The following RBFOX1 variants were observed in gnomAD, a reference collection of about 807,000 sequenced individuals.
RBFOX1 encodes the protein RNA binding fox-1 homolog 1, also known as RNA binding protein fox-1 homolog 1.
Under a neutral mutation model 57.7 loss-of-function variants are expected in RBFOX1, and 8 were observed. That is an observed-to-expected ratio of 0.14 (90% CI 0.08 to 0.25). The LOEUF (loss-of-function observed/expected upper bound fraction) is 0.25. RBFOX1 is among the 10% of genes least tolerant of loss of function. RBFOX1 has a pLI of 1.00. For synonymous variants in RBFOX1, 326 were observed against 222.4 expected, an observed-to-expected ratio of 1.47 and a Z score of -4.15; for missense variants, 611 against 548.5, an observed-to-expected ratio of 1.11 and a Z score of -1.14.
intron 1 of RBFOX1, among the ~76,000 whole-genome samples, chr16:5,299,473 A>G (rs2063752823): frequency 6.6e-6 from 1 of 152,238 alleles, no homozygotes; most frequent in African/African-American, 2.4e-5. Flanking sequence ...GCTGAGACAT[A>G]GGGTAGATGT....
At chr16:5,796,370 G>C (rs2054877965) in intron 3 of RBFOX1, among the ~76,000 whole-genome samples, 1 of 152,194 alleles carries the variant, frequency 6.6e-6, no homozygotes, top group Non-Finnish European at 1.5e-5. Flanking sequence ...GCTCAATCCA[G>C]GATCTGGACC....
At chr16:6,542,551 C>CT (rs892877478) in intron 2 of RBFOX1, among the ~76,000 whole-genome samples, 1 of 121,898 alleles carries the variant, frequency 8.2e-6, no homozygotes, top group Non-Finnish European at 1.6e-5. Flanking sequence ...GTGCAGTGGC[C>CT]TTTTCTCGGC....
Position 7,010,933 on chromosome 16 carries a change from G to C in RBFOX1, c.-15-41124G>C, listed in dbSNP as rs112666438. Among the ~76,000 whole-genome samples the C allele has an allele frequency of 7.8e-3, 1,195 of 152,306 alleles. 17 individuals carry two copies. Among genetic ancestry groups the C allele is most frequent in the African/African-American group, 0.027 (1,136 of 41,568 alleles). On this transcript the variant is annotated intron_variant, in intron 3 of 15. Coordinates refer to ENST00000550418, the MANE Select transcript of RBFOX1 (RefSeq NM_018723.4). ...GCTGATAAAGTTCTCCCACCAAAGTGAGTCTTAGCAGGGCCTTGGGCAAGA... is the reference window on the plus strand; with the variant it reads ...GCTGATAAAGTTCTCCCACCAAAGTCAGTCTTAGCAGGGCCTTGGGCAAGA...
intron 4 of RBFOX1, among the ~76,000 whole-genome samples, chr16:7,167,086 A>C (rs1283576002): frequency 7.0e-6 from 1 of 142,808 alleles, no homozygotes; most frequent in Non-Finnish European, 1.5e-5. Flanking sequence ...CCTGGGTTCA[A>C]GCGATTCTCC....
intron 2 of RBFOX1, among the ~76,000 whole-genome samples, chr16:5,559,189 A>AAAAAC (rs2045796503): frequency 7.3e-6 from 1 of 136,678 alleles, no homozygotes; most frequent in Non-Finnish European, 1.6e-5. Context: ...AAAAAAAAAA[A>AAAAAC]AGTCAAGTGT....
chr16:7,688,698 G>GGTTT (rs1488317492), intron 14 of RBFOX1, among the ~76,000 whole-genome samples: 10 of 152,126 alleles, frequency 6.6e-5, no homozygotes, highest in African/African-American at 2.4e-4. Context: ...GGCAGATAGA[G>GGTTT]TATAGATGGT....
Position 7,527,982 on chromosome 16 carries a change from A to G in RBFOX1, c.270+9593A>G, listed in dbSNP as rs191544210. Reference sequence around the variant, plus strand: ...TTTTGTATTTAATGATTTATAGACAAATGGTTTTCAATCACTCATGTTTTA... The same window carrying G: ...TTTTGTATTTAATGATTTATAGACAGATGGTTTTCAATCACTCATGTTTTA... On this transcript the variant is annotated intron_variant, in intron 5 of 15. Transcript: ENST00000550418. Among the ~76,000 whole-genome samples, 152 of 152,310 alleles carry G rather than the reference A, an allele frequency of 1.0e-3. 2 individuals are homozygous for G. The highest frequency in any genetic ancestry group is 3.6e-3 in the African/African-American group (148 of 41,578).
intron 3 of RBFOX1, among the ~76,000 whole-genome samples, chr16:6,682,410 TA>T (rs3214354): frequency 1.3e-5 from 2 of 150,892 alleles, no homozygotes; most frequent in Admixed American, 6.6e-5. Flanking sequence ...TTGTGAAGAC[TA>T]AAAAAAAAGT....
At chr16:5,741,405 C>T (rs1353823391) in intron 3 of RBFOX1, among the ~76,000 whole-genome samples, 1 of 152,164 alleles carries the variant, frequency 6.6e-6, no homozygotes, top group Admixed American at 6.5e-5. Flanking sequence ...ACATAAAAAT[C>T]ATCTTAAATG....
At chr16:6,125,878 G>A (rs1404856008) in intron 1 of RBFOX1, among the ~76,000 whole-genome samples, 1 of 152,138 alleles carries the variant, frequency 6.6e-6, no homozygotes, top group African/African-American at 2.4e-5. Flanking sequence ...GAGATTTTCT[G>A]AAGGATTATG....
intron 4 of RBFOX1, among the ~76,000 whole-genome samples, chr16:7,064,592 C>G (rs1023974367): frequency 6.6e-6 from 1 of 152,098 alleles, no homozygotes; most frequent in Non-Finnish European, 1.5e-5. Flanking sequence ...AAACCAACCC[C>G]CCTGACACCT....
At chr16:5,396,093 T>C (rs1476710978) in intron 1 of RBFOX1, among the ~76,000 whole-genome samples, 2 of 152,156 alleles carry the variant, frequency 1.3e-5, no homozygotes, top group African/African-American at 4.8e-5. Flanking sequence ...AACAAATGTG[T>C]GTTGTTTTAA....
At chr16:6,807,388 A>G (rs1364382385) in intron 3 of RBFOX1, among the ~76,000 whole-genome samples, 1 of 152,138 alleles carries the variant, frequency 6.6e-6, no homozygotes, top group Non-Finnish European at 1.5e-5. Context: ...TGATTTCTGC[A>G]TTTAGGGTTG....
At chr16:7,408,731 T>C (rs981821940) in intron 4 of RBFOX1, among the ~76,000 whole-genome samples, 1 of 152,172 alleles carries the variant, frequency 6.6e-6, no homozygotes, top group African/African-American at 2.4e-5. Flanking sequence ...TTGTAGGATA[T>C]TGAACAGCAT....
intron 3 of RBFOX1, among the ~76,000 whole-genome samples, chr16:5,849,144 A>T (rs947373640): frequency 6.6e-6 from 1 of 151,926 alleles, no homozygotes; most frequent in Non-Finnish European, 1.5e-5. Flanking sequence ...GGGGTCAGAG[A>T]TAAGGTTGCA....
In RBFOX1 at chr16:5,641,072, TAC is replaced by T. The variant is rs538058958; in HGVS notation, c.318+42123_318+42124del. Reference sequence around the variant, plus strand: ...TATGCACATACACCCATGCACACCATACACACACACACATGCACACCATGCAT... The same window carrying T: ...TATGCACATACACCCATGCACACCATACACACACACATGCACACCATGCAT... On this transcript the variant is annotated intron_variant, in intron 3 of 19. Transcript: ENST00000641259. 7.2e-3 allele frequency among the ~76,000 whole-genome samples: 1,022 copies of T among 141,538 alleles called. 11 individuals are homozygous for T. Among genetic ancestry groups the T allele is most frequent in the African/African-American group, 0.025 (932 of 37,892 alleles). 92.9% of individuals were successfully genotyped at this position (141,538 alleles called of 152,430 possible).
intron 1 of RBFOX1, among the ~76,000 whole-genome samples, chr16:6,031,721 G>A (rs1189120238): frequency 6.6e-6 from 1 of 152,214 alleles, no homozygotes; most frequent in East Asian, 1.9e-4. Context: ...ATGACAGTGG[G>A]GAGATTGCTG....
chr16:5,756,514 T>C (rs918826042), intron 3 of RBFOX1, among the ~76,000 whole-genome samples: 4 of 152,144 alleles, frequency 2.6e-5, no homozygotes, highest in African/African-American at 9.7e-5. Flanking sequence ...ATCCAGGCCT[T>C]GTCTCACATC....
chr16:6,921,991 A>G (rs989667139), intron 3 of RBFOX1, among the ~76,000 whole-genome samples: 14 of 152,306 alleles, frequency 9.2e-5, no homozygotes, highest in Non-Finnish European at 1.9e-4. Flanking sequence ...ACACAGAACT[A>G]GCACAATGCC....
Sources: allele counts gnomAD v4.1 joint callset (sites outside exome capture counted in the v4.1 genomes callset), GRCh38; gene constraint gnomAD v4.1.1; transcripts MANE v1.5; gene names NCBI Gene and HGNC (gene_info 2026-07-23, HGNC 2026-07-21).